The following NRG3 variants were observed in gnomAD, a reference collection of about 807,000 sequenced individuals.
NRG3 encodes neuregulin 3.
NRG3 carries 31 observed loss-of-function variants against 66.9 expected under a neutral mutation model. The ratio of observed to expected loss-of-function variants is 0.46; its 90% CI spans 0.35 to 0.63. The LOEUF (loss-of-function observed/expected upper bound fraction) is 0.63. Ranked by LOEUF, NRG3 falls within the 20% of genes least tolerant of loss-of-function variation. NRG3 has a pLI of 0.00. For synonymous variants in NRG3, 393 were observed against 359.4 expected (o/e 1.09, Z -1.06); for missense variants, 910 against 878.9 (o/e 1.04, Z -0.45).
intron 2 of NRG3, among the ~76,000 whole-genome samples, chr10:82,655,949 G>A (rs997321687): frequency 6.6e-6 from 1 of 152,088 alleles, no homozygotes; most frequent in East Asian, 1.9e-4. Context: ...GTATTAGTTT[G>A]CACTCTGAAA....
At chr10:82,756,377 C>T (rs773927288) in intron 3 of NRG3, among the ~76,000 whole-genome samples, 9 of 152,060 alleles carry the variant, frequency 5.9e-5, no homozygotes, top group South Asian at 2.1e-4. Context: ...AATCCTTTCC[C>T]GGTTTTACAT....
chr10:82,693,799 A>G (rs1401456198), intron 2 of NRG3, among the ~76,000 whole-genome samples: 1 of 152,198 alleles, frequency 6.6e-6, no homozygotes, highest in African/African-American at 2.4e-5. Flanking sequence ...TTACAGCTTT[A>G]AAGGTGGTGC....
At chr10:82,028,640 TCA>T in intron 1 of NRG3, among the ~76,000 whole-genome samples, 1 of 152,086 alleles carries the variant, frequency 6.6e-6, no homozygotes, top group Admixed American at 6.6e-5. Context: ...CATTCTGCCC[TCA>T]GATCAGCACA....
chr10:81,976,556 A>G (rs555215639), intron 1 of NRG3, among the ~76,000 whole-genome samples: 34 of 152,294 alleles, frequency 2.2e-4, no homozygotes, highest in African/African-American at 7.2e-4. Context: ...GATATTTTTC[A>G]TCAATGGAAA....
intron 1 of NRG3, among the ~76,000 whole-genome samples, chr10:82,349,284 G>A (rs2083246059): frequency 6.6e-6 from 1 of 152,060 alleles, no homozygotes; most frequent in Admixed American, 6.6e-5. Context: ...CCTTCTAACA[G>A]ACGGGACCCT....
At chr10:82,497,858 C>T (rs374442993) in intron 2 of NRG3, among the ~76,000 whole-genome samples, 2 of 152,274 alleles carry the variant, frequency 1.3e-5, no homozygotes, top group South Asian at 2.1e-4. Flanking sequence ...TCCCCACCAA[C>T]GATAGACAAG....
intron 1 of NRG3, among the ~76,000 whole-genome samples, chr10:82,237,308 A>T (rs969579253): frequency 2.0e-5 from 3 of 152,166 alleles, no homozygotes; most frequent in African/African-American, 7.2e-5. Flanking sequence ...TGCAAAGGTC[A>T]TTCTTTATAT....
At chr10:81,943,911 G>A (rs974662876) in intron 1 of NRG3, among the ~76,000 whole-genome samples, 4 of 152,174 alleles carry the variant, frequency 2.6e-5, no homozygotes, top group African/African-American at 9.7e-5. Context: ...AACTACAGAT[G>A]ACTTACCACA....
At chr10:82,356,784 A>G (rs1477806536) in intron 1 of NRG3, among the ~76,000 whole-genome samples, 1 of 152,244 alleles carries the variant, frequency 6.6e-6, no homozygotes. Flanking sequence ...CTAAAATGAT[A>G]ACATAAATGT....
chr10:82,324,509 GATT>G (rs1379347228), intron 1 of NRG3, among the ~76,000 whole-genome samples: 5 of 152,042 alleles, frequency 3.3e-5, no homozygotes, highest in African/African-American at 1.2e-4. Flanking sequence ...TGGAAAATAA[GATT>G]ATTAACATGA....
At chr10:82,224,832 G>T (rs913621046) in intron 1 of NRG3, among the ~76,000 whole-genome samples, 1 of 151,268 alleles carries the variant, frequency 6.6e-6, no homozygotes, top group African/African-American at 2.4e-5. Context: ...AGGAAAGAGG[G>T]TTTCTTTTTT....
chr10:82,221,237 C>CAAA (rs368132655), intron 1 of NRG3, among the ~76,000 whole-genome samples: 13 of 118,222 alleles, frequency 1.1e-4, no homozygotes, highest in South Asian at 5.3e-4. Flanking sequence ...CACTCACTGC[C>CAAA]AAAAAAAAAA....
chr10:82,359,695 T>A (rs1351797395), intron 2 of NRG3, among the ~76,000 whole-genome samples: 1 of 152,232 alleles, frequency 6.6e-6, no homozygotes, highest in East Asian at 1.9e-4. Context: ...TATGCATCAG[T>A]GATCATATAT....
chr10:81,903,235 G>T (rs1370566577), intron 1 of NRG3, among the ~76,000 whole-genome samples: 2 of 152,058 alleles, frequency 1.3e-5, no homozygotes. Flanking sequence ...AGACTCAGAG[G>T]CCGGGTGCTT....
At chr10:82,458,123 G>A (rs1360896193) in intron 2 of NRG3, among the ~76,000 whole-genome samples, 3 of 152,116 alleles carry the variant, frequency 2.0e-5, no homozygotes, top group Non-Finnish European at 4.4e-5. Flanking sequence ...GATCTTCCCT[G>A]ACTCAGTTCC....
At chr10:82,661,837 A>C (rs1290501246) in intron 2 of NRG3, among the ~76,000 whole-genome samples, 1 of 152,256 alleles carries the variant, frequency 6.6e-6, no homozygotes, top group Non-Finnish European at 1.5e-5. Context: ...ATAAAGAGCA[A>C]GAACAGATGC....
chr10:82,786,489 C>A (rs7894934), intron 3 of NRG3, among the ~76,000 whole-genome samples: 1 of 152,066 alleles, frequency 6.6e-6, no homozygotes, highest in South Asian at 2.1e-4. Context: ...CCTGCCCCCC[C>A]ATTGTGTTTT....
In NRG3 at chr10:82,506,505, A is replaced by G. The variant is rs186687580; in HGVS notation, c.953+147637A>G. ...ATGCCACTGCTTGGGGCTTTCCTCT[A>G]TCTGCTTGGAATTTCTTCTTCCTTC... On this transcript the variant is annotated intron_variant, in intron 2 of 8. Coordinates refer to ENST00000372141, the MANE Select transcript of NRG3 (RefSeq NM_001010848.4). 5.4e-3 allele frequency among the ~76,000 whole-genome samples: 817 copies of G among 151,814 alleles called. 1 individual carries two copies. Among genetic ancestry groups the G allele is most frequent in the South Asian group, 7.1e-3 (34 of 4,810 alleles).
chr10:82,431,809 A>C (rs1182948041), intron 2 of NRG3, among the ~76,000 whole-genome samples: 1 of 152,154 alleles, frequency 6.6e-6, no homozygotes, highest in Non-Finnish European at 1.5e-5. Context: ...ATCTGCATAC[A>C]TGTGGAGAAT....
Sources: allele counts gnomAD v4.1 joint callset (sites outside exome capture counted in the v4.1 genomes callset), GRCh38; gene constraint gnomAD v4.1.1; transcripts MANE v1.5; gene names NCBI Gene and HGNC (gene_info 2026-07-23, HGNC 2026-07-21).